Variants in PITPNM2 observed in about 807,000 individuals in gnomAD.
PITPNM2 encodes phosphatidylinositol transfer protein membrane associated 2, also known as membrane-associated phosphatidylinositol transfer protein 2.
A neutral mutation model predicts 132.2 loss-of-function variants in PITPNM2; 35 were observed. The ratio of observed to expected loss-of-function variants is 0.26; its 90% CI spans 0.20 to 0.35. PITPNM2 has a LOEUF of 0.35. PITPNM2 is among the 10% of genes least tolerant of loss of function. The pLI, the probability that PITPNM2 is intolerant of heterozygous loss-of-function variation, is 1.00. For synonymous variants in PITPNM2, 738 were observed against 799.2 expected (o/e 0.92, Z 1.29); for missense variants, 1,332 against 1,912.0 (o/e 0.70, Z 5.66).
chr12:123,143,340 C>T (rs1197602782), intron 1 of PITPNM2, among the ~76,000 whole-genome samples: 1 of 152,216 alleles, frequency 6.6e-6, no homozygotes, highest in Admixed American at 6.5e-5. Context: ...CTCCACAGCA[C>T]AGCCTGTGAG....
chr12:123,092,648 C>A (rs1223184735), intron 2 of PITPNM2: 1 of 152,266 alleles, frequency 6.6e-6, no homozygotes, highest in Non-Finnish European at 1.5e-5. Context: ...GTTCGGCCTG[C>A]GGACCTGCGG....
At chr12:123,046,694 T>C (rs1428902566) in intron 2 of PITPNM2, among the ~76,000 whole-genome samples, 2 of 152,220 alleles carry the variant, frequency 1.3e-5, no homozygotes, top group African/African-American at 4.8e-5. Context: ...TCATACAATA[T>C]GTGCTTTCTG....
In PITPNM2 at chr12:122,987,491, C is replaced by T; in HGVS notation, c.3263+20G>A. On this transcript the variant is annotated intron_variant, in intron 22 of 25. Coordinates refer to ENST00000320201, the MANE Select transcript of PITPNM2 (RefSeq NM_020845.3). The stretch of plus-strand genomic sequence containing the variant: ...AGAGCCTCGCCCTGCCTATCCCGCC[C>T]TCCCAGTGCAGGCATATACCTGACC... 1 of 1,611,060 alleles carries T rather than the reference C, an allele frequency of 6.2e-7. No homozygotes were observed. The highest frequency in any genetic ancestry group is 8.5e-7 in the Non-Finnish European group (1 of 1,177,572).
intron 1 of PITPNM2, among the ~76,000 whole-genome samples, chr12:123,124,619 G>A (rs558814272): frequency 3.9e-5 from 6 of 152,110 alleles, no homozygotes; most frequent in South Asian, 2.1e-4. Context: ...TATGCACAAC[G>A]TGCAGGTTTG....
At chr12:123,057,744 C>T (rs538415827) in intron 2 of PITPNM2, among the ~76,000 whole-genome samples, 16 of 152,286 alleles carry the variant, frequency 1.1e-4, no homozygotes, top group East Asian at 5.8e-4. Context: ...CTCCCCACCG[C>T]GACGCCCACC....
At position 123,012,691 on chromosome 12, in the gene PITPNM2, T is replaced by A; in HGVS notation, c.337A>T (p.Thr113Ser). The change falls in exon 5 of 26, where the codon ACC becomes TCC. Residue 113 changes from threonine to serine, a missense_variant. Thr to Ser is a moderately conservative substitution (Grantham distance 58, BLOSUM62 1). Around this residue, in one of 6 missense-constraint regions of PITPNM2, gnomAD observed 122 missense variants for 209.6 expected, o/e 0.58. Coordinates refer to ENST00000320201, the MANE Select transcript of PITPNM2 (RefSeq NM_020845.3). ...FVEKFSIDIE[T>S]FYKTDAGENP... ...TCTCCAGCATCAGTTTTATAAAAGG[T>A]TTCAATGTCGATGGAGAATTTCTCC... 1 of 1,614,038 alleles carries A rather than the reference T, an allele frequency of 6.2e-7. No individual in the cohort carries two copies.
chr12:123,112,196 G>A (rs1593022790), intron 1 of PITPNM2, among the ~76,000 whole-genome samples: 1 of 152,224 alleles, frequency 6.6e-6, no homozygotes, highest in African/African-American at 2.4e-5. Flanking sequence ...AGCCAACCCA[G>A]TAGGCAGCTA....
In PITPNM2 at chr12:123,058,461, C is replaced by T. The variant is rs569060479; in HGVS notation, c.-95-23776G>A. Reference sequence around the variant, plus strand: ...TAGAAACCATTAGAGGACATCTTCCCAATGCAGATGCAACCATGTTTGCCA... The same window carrying T: ...TAGAAACCATTAGAGGACATCTTCCTAATGCAGATGCAACCATGTTTGCCA... On this transcript the variant is annotated intron_variant, in intron 2 of 25. Transcript: ENST00000320201. The surrounding 1 kb of genome is among the most constrained non-coding windows in gnomAD (Gnocchi z 4.0). Among the ~76,000 whole-genome samples, 7 of 152,336 alleles carry T rather than the reference C, an allele frequency of 4.6e-5. No homozygotes were observed. The East Asian group carries it at 1.3e-3, about 29-fold the overall frequency.
At position 122,994,976 on chromosome 12, in the gene PITPNM2, G is replaced by T. The variant is rs2038361177; in HGVS notation, c.2058C>A (p.Leu686=). Residue 686 remains leucine (L), a synonymous_variant, in exon 15 of 26, where the codon CTC becomes CTA. Coordinates refer to ENST00000320201, the MANE Select transcript of PITPNM2 (RefSeq NM_020845.3). The surrounding 1 kb of genome is among the most constrained non-coding windows in gnomAD (Gnocchi z 5.4). ...IQQHQAFLSS[L]HASVLRTEPC... ...GCTCAGTCCTCAGCACGCTGGCATGGAGGCTGCAGACCCAAATAAGACTTA... is the reference window on the plus strand; with the variant it reads ...GCTCAGTCCTCAGCACGCTGGCATGTAGGCTGCAGACCCAAATAAGACTTA... The T allele has an allele frequency of 1.2e-6, 2 of 1,603,190 alleles. No individual in the cohort carries two copies. The highest frequency in any genetic ancestry group is 3.4e-5 in the Admixed American group (2 of 58,992).
intron 2 of PITPNM2, among the ~76,000 whole-genome samples, chr12:123,053,681 C>T (rs1390714902): frequency 1.3e-5 from 2 of 151,648 alleles, no homozygotes; most frequent in African/African-American, 4.8e-5. Flanking sequence ...GATTCTCCTG[C>T]CTCGGCCTCC....
intron 2 of PITPNM2, among the ~76,000 whole-genome samples, chr12:123,057,187 C>T (rs1035154808): frequency 6.6e-6 from 1 of 151,796 alleles, no homozygotes; most frequent in Non-Finnish European, 1.5e-5. Context: ...TCAAGACCAG[C>T]CTGACCAACA....
intron 3 of PITPNM2, among the ~76,000 whole-genome samples, chr12:123,018,782 CTTT>C (rs57520928): frequency 1.6e-5 from 2 of 121,434 alleles, no homozygotes; most frequent in Non-Finnish European, 3.4e-5. Context: ...CTTTCCTTTC[CTTT>C]TTTTTTTTTT....
chr12:123,007,602 C>A (rs1470359549), intron 6 of PITPNM2, among the ~76,000 whole-genome samples: 2 of 152,102 alleles, frequency 1.3e-5, no homozygotes, highest in Non-Finnish European at 2.9e-5. Flanking sequence ...AAATCCCATC[C>A]ATTCTTAAAG....
intron 1 of PITPNM2, among the ~76,000 whole-genome samples, chr12:123,131,859 C>G (rs1471720192): frequency 6.6e-6 from 1 of 152,266 alleles, no homozygotes; most frequent in Non-Finnish European, 1.5e-5. Context: ...GTGCCAGGAA[C>G]TGTGCTAGGC....
At chr12:123,118,298 G>A (rs937983020) in intron 1 of PITPNM2, among the ~76,000 whole-genome samples, 2 of 152,142 alleles carry the variant, frequency 1.3e-5, no homozygotes, top group East Asian at 1.9e-4. Context: ...TGTACTCTGC[G>A]ATCATGATGG....
intron 2 of PITPNM2, among the ~76,000 whole-genome samples, chr12:123,067,412 T>C (rs967366663): frequency 2.0e-5 from 3 of 151,328 alleles, no homozygotes; most frequent in Admixed American, 6.6e-5. Context: ...GCCAAGATTG[T>C]GCCACTGCAC....
chr12:123,090,479 C>T (rs1447551883), intron 2 of PITPNM2: 1 of 152,208 alleles, frequency 6.6e-6, no homozygotes, highest in Admixed American at 6.5e-5. Context: ...CCTGGCTCAG[C>T]CTCCCAAGTA....
chr12:123,053,847 C>A (rs886892741), intron 2 of PITPNM2, among the ~76,000 whole-genome samples: 5 of 152,126 alleles, frequency 3.3e-5, no homozygotes, highest in Non-Finnish European at 7.4e-5. Context: ...GGATTACAGG[C>A]AGTGACATCT....
chr12:123,012,846 G>A (rs917772501), intron 4 of PITPNM2, 112 bp from the exon 5 acceptor site: 13 of 1,402,590 alleles, frequency 9.3e-6, no homozygotes, highest in African/African-American at 1.4e-5. Flanking sequence ...GGGCATGGAA[G>A]GAGGGTGGAG....
Sources: gnomAD v4.1 joint callset for allele counts (sites outside exome capture counted in the v4.1 genomes callset) on GRCh38, gnomAD v4.1.1 for gene constraint, gnomAD v4.1.1 regional missense constraint, Gnocchi (gnomAD v3.1) non-coding constraint, MANE v1.5 for transcripts, NCBI Gene and HGNC (gene_info 2026-07-23, HGNC 2026-07-21) for gene names.